The following CDH12 variants were observed in gnomAD, a reference collection of about 807,000 sequenced individuals.
The protein encoded by CDH12 is cadherin 12.
A neutral mutation model predicts 74.1 loss-of-function variants in CDH12; 41 were observed. The ratio of observed to expected loss-of-function variants is 0.55; its 90% CI spans 0.43 to 0.72. The LOEUF (loss-of-function observed/expected upper bound fraction) is 0.72. CDH12 is among the 30% of genes least tolerant of loss of function. The probability of loss-of-function intolerance (pLI) is 0.00; values close to 1 mark genes in which losing one functional copy is unlikely to be tolerated. For missense variants in CDH12, 945 were observed against 977.2 expected, an observed-to-expected ratio of 0.97 and a Z score of 0.44; for synonymous variants, 399 against 355.0, an observed-to-expected ratio of 1.12 and a Z score of -1.39.
chr5:22,720,860 C>T (rs140554698), intron 1 of CDH12, among the ~76,000 whole-genome samples: 92 of 152,136 alleles, frequency 6.0e-4, no homozygotes, highest in African/African-American at 1.8e-3. Flanking sequence ...TAGACATCTG[C>T]GGAACTTTGA....
chr5:22,068,545 A>G lies in CDH12; in HGVS notation c.231+9901T>C, dbSNP rs144257332. 5.7e-3 allele frequency among the ~76,000 whole-genome samples: 874 copies of G among 152,304 alleles called. 8 individuals carry two copies. The highest frequency in any genetic ancestry group is 0.02 in the African/African-American group (836 of 41,570). ...CAGACATGACATTATATATCAATTC[A>G]TGGGCTGTGGCCAAGGAGTTGGCTG... On this transcript the variant is annotated intron_variant, in intron 5 of 14. Coordinates refer to ENST00000382254, the MANE Select transcript of CDH12 (RefSeq NM_004061.5).
chr5:22,194,961 A>G (rs1015699496), intron 4 of CDH12, among the ~76,000 whole-genome samples: 1 of 152,160 alleles, frequency 6.6e-6, no homozygotes, highest in Non-Finnish European at 1.5e-5. Flanking sequence ...CCAGGAGAGA[A>G]ATCAAATGAC....
At chr5:22,578,581 T>A (rs1035999080) in intron 1 of CDH12, among the ~76,000 whole-genome samples, 1 of 152,132 alleles carries the variant, frequency 6.6e-6, no homozygotes, top group Non-Finnish European at 1.5e-5. Context: ...GCAGAAATAA[T>A]AAATGTACTA....
At chr5:22,743,282 G>GTA (rs1452718719) in intron 1 of CDH12, among the ~76,000 whole-genome samples, 25 of 97,898 alleles carry the variant, frequency 2.6e-4, no homozygotes, top group African/African-American at 9.6e-4. Flanking sequence ...ATATATATAT[G>GTA]TATATATATG....
chr5:22,075,954 A>G (rs1026225743), intron 5 of CDH12, among the ~76,000 whole-genome samples: 2 of 152,118 alleles, frequency 1.3e-5, no homozygotes, highest in African/African-American at 2.4e-5. Flanking sequence ...GTTTATACAT[A>G]CATATATAAT....
intron 4 of CDH12, among the ~76,000 whole-genome samples, chr5:22,178,159 TG>T (rs1749444195): frequency 1.3e-5 from 2 of 152,184 alleles, no homozygotes; most frequent in African/African-American, 4.8e-5. Context: ...CATGCCCCTC[TG>T]CCCAGCAGAA....
At chr5:22,466,266 A>G (rs889135635) in intron 2 of CDH12, among the ~76,000 whole-genome samples, 3 of 152,174 alleles carry the variant, frequency 2.0e-5, no homozygotes, top group African/African-American at 7.2e-5. Context: ...CTTCGGAATA[A>G]CAGGAGTTGT....
In CDH12 at chr5:22,138,845, A is replaced by ATATATAT. The variant is rs1746612743; in HGVS notation, c.-186-59984_-186-59983insATATATA. Among the ~76,000 whole-genome samples the ATATATAT allele has an allele frequency of 4.6e-3, 353 of 76,574 alleles. 5 individuals are homozygous for ATATATAT. The highest frequency in any genetic ancestry group is 0.014 in the African/African-American group (316 of 22,608). 50.2% of individuals were successfully genotyped at this position (76,574 alleles called of 152,430 possible). On this transcript the variant is annotated intron_variant, in intron 4 of 14. Transcript: ENST00000382254. ...AATATATATGTGTACATATATACGTAATATATATATATATATATATATATA... is the reference window on the plus strand; with the variant it reads ...AATATATATGTGTACATATATACGTATATATATATATATATATATATATATATATATA...
At chr5:22,031,989 C>T (rs1166513351) in intron 5 of CDH12, among the ~76,000 whole-genome samples, 1 of 151,474 alleles carries the variant, frequency 6.6e-6, no homozygotes, top group African/African-American at 2.4e-5. Flanking sequence ...GCAGGGTTGC[C>T]ACAAACCTTC....
intron 1 of CDH12, among the ~76,000 whole-genome samples, chr5:22,818,757 A>T (rs1749518344): frequency 6.6e-6 from 1 of 152,174 alleles, no homozygotes; most frequent in Non-Finnish European, 1.5e-5. Flanking sequence ...TAGGTAAGTG[A>T]GGTTTCAAAG....
chr5:22,509,230 C>A (rs1580718624), intron 1 of CDH12, among the ~76,000 whole-genome samples: 2 of 152,154 alleles, frequency 1.3e-5, no homozygotes. Flanking sequence ...ATAACTATTT[C>A]TTTCCCTTCA....
At chr5:22,562,267 A>G (rs1310583539) in intron 1 of CDH12, among the ~76,000 whole-genome samples, 1 of 152,094 alleles carries the variant, frequency 6.6e-6, no homozygotes, top group Non-Finnish European at 1.5e-5. Context: ...CAGTGAGCCG[A>G]GATCCCGCCA....
intron 1 of CDH12, among the ~76,000 whole-genome samples, chr5:22,611,215 C>A (rs1737379112): frequency 6.6e-6 from 1 of 152,000 alleles, no homozygotes; most frequent in South Asian, 2.1e-4. Context: ...CTGACTTATC[C>A]CAAAACTGAA....
At chr5:22,394,296 G>A (rs1256620084) in intron 3 of CDH12, among the ~76,000 whole-genome samples, 1 of 152,110 alleles carries the variant, frequency 6.6e-6, no homozygotes, top group East Asian at 1.9e-4. Context: ...ATTCACACAG[G>A]AGAACCACTA....
intron 1 of CDH12, among the ~76,000 whole-genome samples, chr5:22,827,374 A>T (rs2126491291): frequency 6.6e-6 from 1 of 152,378 alleles, no homozygotes; most frequent in East Asian, 1.9e-4. Flanking sequence ...TTAAAACTGA[A>T]ATAATATATT....
intron 9 of CDH12, among the ~76,000 whole-genome samples, chr5:21,814,794 G>T (rs1747951263): frequency 6.6e-6 from 1 of 150,652 alleles, no homozygotes; most frequent in African/African-American, 2.4e-5. Context: ...TATTATTAAT[G>T]ATTTTTATTT....
intron 2 of CDH12, among the ~76,000 whole-genome samples, chr5:22,493,790 G>A (rs1370947788): frequency 6.6e-6 from 1 of 152,190 alleles, no homozygotes; most frequent in African/African-American, 2.4e-5. Flanking sequence ...ATTGGGCAGA[G>A]TAGGCCACAG....
intron 1 of CDH12, among the ~76,000 whole-genome samples, chr5:22,724,949 T>C (rs2079085223): frequency 6.6e-6 from 1 of 151,890 alleles, no homozygotes; most frequent in South Asian, 2.1e-4. Context: ...CAGGAACCTA[T>C]GAGAACACTC....
chr5:22,165,545 AT>A (rs1748635404), intron 4 of CDH12, among the ~76,000 whole-genome samples: 1 of 151,902 alleles, frequency 6.6e-6, no homozygotes, highest in South Asian at 2.1e-4. Flanking sequence ...CATTCCAAGC[AT>A]TTGTGGTCAA....
Sources: gnomAD v4.1 joint callset for allele counts (sites outside exome capture counted in the v4.1 genomes callset) on GRCh38, gnomAD v4.1.1 for gene constraint, MANE v1.5 for transcripts, NCBI Gene and HGNC (gene_info 2026-07-23, HGNC 2026-07-21) for gene names.